Variants in RIMBP2 observed in about 807,000 individuals in gnomAD.
RIMBP2 encodes the protein RIMS-binding protein 2.
A neutral mutation model predicts 118.6 loss-of-function variants in RIMBP2; 48 were observed. The ratio of observed to expected loss-of-function variants is 0.40; its 90% CI spans 0.32 to 0.51. The LOEUF is 0.51. RIMBP2 is among the 20% of genes least tolerant of loss of function. RIMBP2 has a pLI of 0.41. For synonymous variants in RIMBP2, 762 were observed against 742.9 expected (o/e 1.03, Z -0.42); for missense variants, 1,551 against 1,768.3 (o/e 0.88, Z 2.20).
At chr12:130,501,631 C>T (rs981968859) in intron 4 of RIMBP2, among the ~76,000 whole-genome samples, 1 of 152,234 alleles carries the variant, frequency 6.6e-6, no homozygotes, top group Non-Finnish European at 1.5e-5. Flanking sequence ...GCATAACCTG[C>T]CCCTTAATTT....
At chr12:130,563,559 T>A (rs1471302973) in intron 2 of RIMBP2, among the ~76,000 whole-genome samples, 3 of 152,240 alleles carry the variant, frequency 2.0e-5, no homozygotes, top group Non-Finnish European at 4.4e-5. Context: ...GAGACTATAC[T>A]GGGAGCTTTC....
chr12:130,516,151 CA>C (rs1160854192), intron 3 of RIMBP2, among the ~76,000 whole-genome samples: 10 of 152,238 alleles, frequency 6.6e-5, no homozygotes, highest in African/African-American at 2.4e-4. Flanking sequence ...CCTACATCCT[CA>C]TCAACACTTG....
rs117220325 is a variant in RIMBP2, at chr12:130,610,405, C to T, written c.-217+17917G>A. On this transcript the variant is annotated intron_variant, in intron 2 of 22. Transcript: ENST00000690449. ...AAGTCAGGTAATTTTTTAAAAACCT[C>T]TCCATGCTTGTATAATACTTAACAG... Among the ~76,000 whole-genome samples, 16 of 152,314 alleles carry T rather than the reference C, an allele frequency of 1.1e-4. 1 individual carries two copies. In the East Asian group the frequency reaches 3.1e-3, roughly 29 times the overall value.
chr12:130,538,144 C>T (rs192358090), intron 2 of RIMBP2, among the ~76,000 whole-genome samples: 1 of 152,024 alleles, frequency 6.6e-6, no homozygotes, highest in Non-Finnish European at 1.5e-5. Context: ...TGCATTTGAC[C>T]GTGGAGATGT....
chr12:130,624,138 T>C (rs557975610), intron 2 of RIMBP2, among the ~76,000 whole-genome samples: 1 of 152,212 alleles, frequency 6.6e-6, no homozygotes, highest in Non-Finnish European at 1.5e-5. Context: ...GCCAATGTAC[T>C]CATAGGAAAT....
intron 1 of RIMBP2, among the ~76,000 whole-genome samples, chr12:130,714,944 C>T (rs1950223689): frequency 6.6e-6 from 1 of 152,212 alleles, no homozygotes; most frequent in African/African-American, 2.4e-5. Flanking sequence ...AGAGCCTTCC[C>T]CCACTGTTCC....
chr12:130,523,934 A>AG lies in RIMBP2; in HGVS notation c.-216-6018dup. On this transcript the variant is annotated intron_variant, in intron 2 of 22. Transcript: ENST00000690449. The surrounding 1 kb of genome is among the most constrained non-coding windows in gnomAD (Gnocchi z 4.4). ...CACAAATACATAACAAAGGCATGTA[A>AG]GGGCACAGCAAGGTCTCTGGCTCTC... Among the ~76,000 whole-genome samples the AG allele has an allele frequency of 1.3e-5, 2 of 152,190 alleles. No homozygotes were observed.
intron 1 of RIMBP2, among the ~76,000 whole-genome samples, chr12:130,689,380 C>A (rs1256645387): frequency 6.6e-6 from 1 of 152,154 alleles, no homozygotes; most frequent in Non-Finnish European, 1.5e-5. Flanking sequence ...TTACAGTGAG[C>A]CAAGATCGCT....
rs1233703072 is a variant in RIMBP2, at chr12:130,646,150, C to A, written c.-351-17694G>T. Among the ~76,000 whole-genome samples, 21 of 91,906 alleles carry A rather than the reference C, an allele frequency of 2.3e-4. 2 individuals are homozygous for A. The highest frequency in any genetic ancestry group is 7.2e-4 in the African/African-American group (20 of 27,842). The allele number at this position is 91,906 out of a possible 152,430, so 60.3% of individuals were successfully genotyped here. A position where few individuals can be genotyped will look rare whatever the true frequency, so the allele number is the denominator to read the frequency against. Reference sequence around the variant, plus strand: ...GCCTCTCCACCTCCCTCACCACCTGCCTCTCCACCTCCCTCACCACCTGCC... The same window carrying A: ...GCCTCTCCACCTCCCTCACCACCTGACTCTCCACCTCCCTCACCACCTGCC... On this transcript the variant is annotated intron_variant, in intron 1 of 22. Transcript: ENST00000690449.
At chr12:130,700,133 A>C (rs1181662817) in intron 1 of RIMBP2, among the ~76,000 whole-genome samples, 1 of 152,062 alleles carries the variant, frequency 6.6e-6, no homozygotes, top group Non-Finnish European at 1.5e-5. Flanking sequence ...CTGAACTCTT[A>C]CTAGCCAGAA....
At position 130,409,421 on chromosome 12, in the gene RIMBP2, C is replaced by T. The variant is rs1035558173; in HGVS notation, c.3590-1592G>A. Among the ~76,000 whole-genome samples, 41 of 140,286 alleles carry T rather than the reference C, an allele frequency of 2.9e-4. 1 individual carries two copies. The highest frequency in any genetic ancestry group is 2.4e-4 in the South Asian group (1 of 4,128). 92.0% of individuals were successfully genotyped at this position (140,286 alleles called of 152,430 possible). ...GCAGTGGCGCGATCCCGGCTCACTG[C>T]AAGCTCCGCCTCCCGGGTTCATGCG... On this transcript the variant is annotated intron_variant, in intron 19 of 22. Coordinates refer to ENST00000690449, the MANE Select transcript of RIMBP2 (RefSeq NM_001393629.1).
chr12:130,646,421 A>G (rs1165980152), intron 1 of RIMBP2, among the ~76,000 whole-genome samples: 4 of 111,346 alleles, frequency 3.6e-5, no homozygotes, highest in Non-Finnish European at 8.4e-5. Flanking sequence ...CTCCCTCACC[A>G]CTTCCCTCTC....
intron 4 of RIMBP2, among the ~76,000 whole-genome samples, chr12:130,486,255 C>T (rs768751609): frequency 1.3e-5 from 2 of 152,168 alleles, no homozygotes; most frequent in East Asian, 1.9e-4. Context: ...CACCCGACAC[C>T]AGGGCTGCTC....
chr12:130,404,824 A>G (rs2075009497), intron 21 of RIMBP2, among the ~76,000 whole-genome samples: 1 of 152,204 alleles, frequency 6.6e-6, no homozygotes, highest in African/African-American at 2.4e-5. Context: ...CAAACATAAA[A>G]ATGCATTATA....
intron 4 of RIMBP2, among the ~76,000 whole-genome samples, chr12:130,493,096 A>G (rs2048794754): frequency 6.6e-6 from 1 of 152,118 alleles, no homozygotes; most frequent in South Asian, 2.1e-4. Context: ...TAGATAACGC[A>G]CTGCACTCCA....
intron 1 of RIMBP2, among the ~76,000 whole-genome samples, chr12:130,664,415 A>ACACACACACACACGCACG (rs2063805704): frequency 2.3e-5 from 3 of 130,590 alleles, no homozygotes; most frequent in Non-Finnish European, 3.4e-5. Flanking sequence ...ACGCACGCAC[A>ACACACACACACACGCACG]CACACGCACA....
rs996366985 is a variant in RIMBP2, at chr12:130,445,348, G to A, written c.582-79C>T. The A allele has an allele frequency of 8.3e-5, 78 of 941,738 alleles. 1 individual carries two copies. The highest frequency in any genetic ancestry group is 4.3e-4 in the South Asian group (25 of 58,074). 58.3% of individuals were successfully genotyped at this position (941,738 alleles called of 1,614,324 possible). A position where few individuals can be genotyped will look rare whatever the true frequency, so the allele number is the denominator to read the frequency against. ...CCCCTGTCCGTGCAGAACGCCAGAC[G>A]GGCACATGGCTTCTCTCCCACTCCT... On this transcript the variant is annotated intron_variant, in intron 9 of 22. Coordinates refer to ENST00000690449, the MANE Select transcript of RIMBP2 (RefSeq NM_001393629.1).
At chr12:130,476,620 G>A (rs1388881041) in intron 5 of RIMBP2, among the ~76,000 whole-genome samples, 1 of 152,160 alleles carries the variant, frequency 6.6e-6, no homozygotes, top group African/African-American at 2.4e-5. Flanking sequence ...CCTAACCCTT[G>A]CACACTCCTG....
At chr12:130,678,579 A>T (rs1261897567) in intron 1 of RIMBP2, among the ~76,000 whole-genome samples, 1 of 151,976 alleles carries the variant, frequency 6.6e-6, no homozygotes, top group Non-Finnish European at 1.5e-5. Context: ...GCGCAGTGGC[A>T]CGATCTCGGC....
Sources: gnomAD v4.1 joint callset for allele counts (sites outside exome capture counted in the v4.1 genomes callset) on GRCh38, gnomAD v4.1.1 for gene constraint, Gnocchi (gnomAD v3.1) non-coding constraint, MANE v1.5 for transcripts, NCBI Gene and HGNC (gene_info 2026-07-23, HGNC 2026-07-21) for gene names.